Variants in PRKAR1B observed in about 807,000 individuals in gnomAD.
The protein encoded by PRKAR1B is protein kinase cAMP-dependent type I regulatory subunit beta.
PRKAR1B carries 22 observed loss-of-function variants against 46.5 expected under a neutral mutation model. The observed-to-expected ratio is 0.47, with a 90% CI of 0.34 to 0.68. The LOEUF is 0.68. Ranked by LOEUF, PRKAR1B falls within the 30% of genes least tolerant of loss-of-function variation. PRKAR1B has a pLI of 0.01. For synonymous variants in PRKAR1B, 259 were observed against 217.7 expected (o/e 1.19, Z -1.67); for missense variants, 445 against 535.6 (o/e 0.83, Z 1.67).
chr7:709,042 C>A (rs1180536061), intron 2 of PRKAR1B, among the ~76,000 whole-genome samples: 1 of 147,740 alleles, frequency 6.8e-6, no homozygotes. Flanking sequence ...CCACCTGCCT[C>A]GGCCTCCTAA....
intron 4 of PRKAR1B, among the ~76,000 whole-genome samples, chr7:641,128 A>G (rs1257798648): frequency 6.6e-6 from 1 of 151,842 alleles, no homozygotes; most frequent in Non-Finnish European, 1.5e-5. Context: ...AATTTTTTGT[A>G]TTTTTAGTAG....
At chr7:598,806 A>C (rs1781427282) in intron 6 of PRKAR1B, among the ~76,000 whole-genome samples, 1 of 152,212 alleles carries the variant, frequency 6.6e-6, no homozygotes, top group African/African-American at 2.4e-5. Flanking sequence ...CTTGTGCCCA[A>C]GGAGGTGAGT....
intron 4 of PRKAR1B, among the ~76,000 whole-genome samples, chr7:641,760 A>G (rs986267834): frequency 2.0e-5 from 3 of 152,048 alleles, no homozygotes; most frequent in African/African-American, 7.3e-5. Context: ...TTATGTGTTT[A>G]TTTACTTATT....
chr7:662,252 C>G (rs1337979653), intron 4 of PRKAR1B, among the ~76,000 whole-genome samples: 3 of 103,478 alleles, frequency 2.9e-5, no homozygotes, highest in Non-Finnish European at 5.9e-5. Context: ...CCACATGGCA[C>G]AGGTCCCCCA....
chr7:589,695 G>A (rs757297328), intron 7 of PRKAR1B, among the ~76,000 whole-genome samples: 6 of 152,234 alleles, frequency 3.9e-5, no homozygotes, highest in African/African-American at 7.2e-5. Context: ...CTGTCCTGGA[G>A]ACAACAAGGT....
rs140931607 is a variant in PRKAR1B, at chr7:722,785, G to A, written c.-23+4425C>T. Among the ~76,000 whole-genome samples the A allele has an allele frequency of 5.2e-3, 799 of 152,314 alleles. 1 individual carries two copies. Among genetic ancestry groups the A allele is most frequent in the Non-Finnish European group, 8.3e-3 (562 of 68,028 alleles). Reference sequence around the variant, plus strand: ...CAGGTTGTGGCTTTCCTTGTTCTTGGTATGACAAGTGATCTCCAGATGTAT... The same window carrying A: ...CAGGTTGTGGCTTTCCTTGTTCTTGATATGACAAGTGATCTCCAGATGTAT... On this transcript the variant is annotated intron_variant, in intron 1 of 10. Transcript: ENST00000537384.
At chr7:677,559 T>A (rs908016958) in intron 3 of PRKAR1B, among the ~76,000 whole-genome samples, 2 of 152,182 alleles carry the variant, frequency 1.3e-5, no homozygotes, top group East Asian at 3.9e-4. Context: ...CCCAAGTAGC[T>A]GGGACCACAG....
intron 9 of PRKAR1B, among the ~76,000 whole-genome samples, chr7:571,814 G>A (rs971028518): frequency 1.3e-4 from 20 of 152,308 alleles, no homozygotes; most frequent in Admixed American, 3.9e-4. Flanking sequence ...AGCCCCGGCC[G>A]AATGCCGCTC....
chr7:604,928 C>T (rs561105881), intron 6 of PRKAR1B, among the ~76,000 whole-genome samples: 2 of 152,240 alleles, frequency 1.3e-5, no homozygotes, highest in East Asian at 3.9e-4. Context: ...GCCTGGGAAG[C>T]AGTGACCGTC....
rs530317880 is a variant in PRKAR1B, at chr7:639,633, T to G, written c.441-32181A>C. Reference sequence around the variant, plus strand: ...GAGAGGCCAAGGCGGGAGGATGGCTTGAGGCCAGGAGCTCTCAGCCTGCCT... The same window carrying G: ...GAGAGGCCAAGGCGGGAGGATGGCTGGAGGCCAGGAGCTCTCAGCCTGCCT... On this transcript the variant is annotated intron_variant, in intron 4 of 10. Transcript: ENST00000537384. Among the ~76,000 whole-genome samples the G allele has an allele frequency of 4.5e-3, 691 of 151,932 alleles. 3 individuals are homozygous for G. Among genetic ancestry groups the G allele is most frequent in the African/African-American group, 0.016 (653 of 41,416 alleles).
rs1219838576 is a variant in PRKAR1B at position 644,271 on chromosome 7, T to C, written c.440+32958A>G. ...GTTCAAGGCATCGTTGAAATGTCCGTGATGCTCTTAAAATCCTGCTGGAAT... is the reference window on the plus strand; with the variant it reads ...GTTCAAGGCATCGTTGAAATGTCCGCGATGCTCTTAAAATCCTGCTGGAAT... On this transcript the variant is annotated intron_variant, in intron 4 of 10. Coordinates refer to ENST00000537384, the MANE Select transcript of PRKAR1B (RefSeq NM_001164760.2). This position sits in a 1 kb window ranked among gnomAD's most constrained non-coding sequence, Gnocchi z 4.9. 6.6e-6 allele frequency among the ~76,000 whole-genome samples: 1 copy of C among 152,144 alleles called. No homozygotes were observed. The highest frequency in any genetic ancestry group is 1.5e-5 in the Non-Finnish European group (1 of 68,028).
intron 7 of PRKAR1B, among the ~76,000 whole-genome samples, chr7:589,388 C>A (rs1172392767): frequency 3.3e-5 from 5 of 151,976 alleles, no homozygotes; most frequent in Non-Finnish European, 5.9e-5. Context: ...CCCCTGCAAA[C>A]AGCTGCTGAC....
intron 7 of PRKAR1B, among the ~76,000 whole-genome samples, chr7:595,219 G>A (rs937581593): frequency 1.2e-4 from 19 of 152,136 alleles, no homozygotes; most frequent in African/African-American, 3.6e-4. Flanking sequence ...GCTGTTCCTC[G>A]GCCCTCACGC....
chr7:685,261 C>CGTATATATACGTATATATATATATACAT (rs369892037), intron 2 of PRKAR1B, among the ~76,000 whole-genome samples: 1 of 61,420 alleles, frequency 1.6e-5, no homozygotes, highest in African/African-American at 7.0e-5. Flanking sequence ...TTTATATATA[C>CGTATATATACGTATATATATATATACAT]ATATATACGT....
chr7:607,046 T>C (rs754368948), intron 5 of PRKAR1B, among the ~76,000 whole-genome samples: 12 of 152,124 alleles, frequency 7.9e-5, no homozygotes, highest in Non-Finnish European at 4.4e-5. Context: ...CTGTATCACC[T>C]AGGCTAGAGT....
chr7:594,780 AGGACCCCAAATTATGAGG>A (rs1044129978), intron 7 of PRKAR1B, among the ~76,000 whole-genome samples: 2 of 151,486 alleles, frequency 1.3e-5, no homozygotes, highest in Non-Finnish European at 2.9e-5. Context: ...AGACCATGAG[AGGACCCCAAATTATGAGG>A]GGACCCCAAG....
intron 2 of PRKAR1B, among the ~76,000 whole-genome samples, chr7:684,128 G>C (rs982221520): frequency 1.4e-5 from 2 of 147,722 alleles, no homozygotes. Context: ...CTCTACGTGT[G>C]TGCTGATGCC....
At chr7:590,044 G>A (rs144700368) in intron 7 of PRKAR1B, among the ~76,000 whole-genome samples, 1,885 of 152,306 alleles carry the variant, frequency 0.012, 16 homozygotes, top group South Asian at 0.038. Flanking sequence ...TCAACACCAC[G>A]CAGAGAGAAC....
rs375615190 is a variant in PRKAR1B at position 643,407 on chromosome 7, C to T, written c.440+33822G>A. Among the ~76,000 whole-genome samples, 3 of 151,446 alleles carry T rather than the reference C, an allele frequency of 2.0e-5. No homozygotes were observed. The East Asian group carries it at 5.8e-4, about 29-fold the overall frequency. On this transcript the variant is annotated intron_variant, in intron 4 of 10. Transcript: ENST00000537384. ...GAAAGCGTGAGAACAACTGGACGATCCTTCGCAGCTCACTCATAAAAAGTC... is the reference window on the plus strand; with the variant it reads ...GAAAGCGTGAGAACAACTGGACGATTCTTCGCAGCTCACTCATAAAAAGTC...
Sources: gnomAD v4.1 joint callset for allele counts (sites outside exome capture counted in the v4.1 genomes callset) on GRCh38, gnomAD v4.1.1 for gene constraint, Gnocchi (gnomAD v3.1) non-coding constraint, MANE v1.5 for transcripts, NCBI Gene and HGNC (gene_info 2026-07-23, HGNC 2026-07-21) for gene names.